The following PBRM1 variants were observed in gnomAD, a reference collection of about 807,000 sequenced individuals.
PBRM1 encodes the protein polybromo 1.
Under a neutral mutation model 194.5 loss-of-function variants are expected in PBRM1, and 27 were observed. The ratio of observed to expected loss-of-function variants is 0.14; its 90% confidence interval spans 0.10 to 0.19. The LOEUF (loss-of-function observed/expected upper bound fraction) is 0.19. Among genes scored for constraint, PBRM1 ranks in the 10% least tolerant of loss-of-function variants. The pLI is 1.00. For synonymous variants in PBRM1, 655 were observed against 693.2 expected, an observed-to-expected ratio of 0.94 and a Z score of 0.87; for missense variants, 1,466 against 2,077.2, an observed-to-expected ratio of 0.71 and a Z score of 5.72.
chr3:52,589,606 G>A (rs969262078), intron 17 of PBRM1, among the ~76,000 whole-genome samples: 1 of 152,140 alleles, frequency 6.6e-6, no homozygotes, highest in Non-Finnish European at 1.5e-5. Flanking sequence ...TAATTCTAGA[G>A]ATAATCTCTG....
chr3:52,632,613 G>A (rs2095656347), intron 11 of PBRM1, among the ~76,000 whole-genome samples: 2 of 151,722 alleles, frequency 1.3e-5, no homozygotes, highest in Admixed American at 1.3e-4. Flanking sequence ...ATAGAAAATG[G>A]GCACTGAAGA....
chr3:52,634,447 A>AG (rs1176301039), intron 11 of PBRM1, among the ~76,000 whole-genome samples, 155 bp downstream of exon 12: 1 of 151,964 alleles, frequency 6.6e-6, no homozygotes, highest in African/African-American at 2.4e-5. Flanking sequence ...AAAAAAAAAA[A>AG]AAAAAAAAAG....
chr3:52,563,399 C>T, exon 24 of PBRM1: 1 of 1,613,952 alleles, frequency 6.2e-7, no homozygotes, highest in South Asian at 1.1e-5. Flanking sequence ...TCAATATCAT[C>T]ATCTCCACCT....
chr3:52,573,912 G>C (rs1255738347), intron 22 of PBRM1, among the ~76,000 whole-genome samples: 2 of 152,198 alleles, frequency 1.3e-5, no homozygotes, highest in African/African-American at 4.8e-5. Context: ...AGATTGTGGT[G>C]ATAGAGGAAG....
chr3:52,663,383 A>G (rs1160778016), intron 3 of PBRM1, among the ~76,000 whole-genome samples: 2 of 152,120 alleles, frequency 1.3e-5, no homozygotes, highest in Non-Finnish European at 2.9e-5. Flanking sequence ...GCCCATCTCA[A>G]CCTCTACCTA....
intron 26 of PBRM1, among the ~76,000 whole-genome samples, chr3:52,557,846 A>C (rs1439464522): frequency 6.6e-6 from 1 of 152,242 alleles, no homozygotes; most frequent in Non-Finnish European, 1.5e-5. Flanking sequence ...AACAAGGCAA[A>C]CTGAATACTG....
chr3:52,614,773 G>A (rs992491672), intron 15 of PBRM1, among the ~76,000 whole-genome samples: 1 of 152,056 alleles, frequency 6.6e-6, no homozygotes, highest in African/African-American at 2.4e-5. Flanking sequence ...GATTCACCAT[G>A]TTGGCCGGGC....
chr3:52,661,183 C>T (rs142350441), intron 4 of PBRM1, among the ~76,000 whole-genome samples: 17 of 152,158 alleles, frequency 1.1e-4, no homozygotes, highest in African/African-American at 3.9e-4. Context: ...GTGCCACCTG[C>T]CTAGCTAATT....
intron 11 of PBRM1, among the ~76,000 whole-genome samples, chr3:52,631,196 C>T (rs1055137152): frequency 1.3e-5 from 2 of 152,006 alleles, no homozygotes; most frequent in African/African-American, 2.4e-5. Context: ...CAACGTCAGG[C>T]GTGGTGACTC....
intron 2 of PBRM1, 58 bp from the exon 4 acceptor site, chr3:52,668,703 T>C (rs1447616954): frequency 4.9e-6 from 5 of 1,017,880 alleles, no homozygotes; most frequent in African/African-American, 1.7e-5. Flanking sequence ...AAAAGTTTTA[T>C]TTCAAAACTA....
chr3:52,658,405 A>G (rs547358449), intron 4 of PBRM1, 90 bp from the exon 6 acceptor site: 1 of 665,786 alleles, frequency 1.5e-6, no homozygotes, highest in African/African-American at 1.8e-5. Flanking sequence ...CTAATTCAAA[A>G]CAGCAACTTT....
downstream of PBRM1, chr3:52,547,442 G>A (rs771323226): frequency 9.9e-5 from 23 of 233,420 alleles, no homozygotes; most frequent in Non-Finnish European, 1.8e-4. Flanking sequence ...TGAGTTAATA[G>A]AGCAAATGTG....
intron 22 of PBRM1, among the ~76,000 whole-genome samples, chr3:52,568,514 T>G (rs1477408908): frequency 6.6e-6 from 1 of 152,218 alleles, no homozygotes; most frequent in Non-Finnish European, 1.5e-5. Flanking sequence ...TTGTATGAGT[T>G]CTGGCTTTTA....
chr3:52,616,486 G>C (rs1415886352), intron 14 of PBRM1, among the ~76,000 whole-genome samples: 1 of 152,188 alleles, frequency 6.6e-6, no homozygotes, highest in Non-Finnish European at 1.5e-5. Flanking sequence ...GACGTCAGGA[G>C]ATCAAGACCA....
chr3:52,681,190 A>G (rs1561168156), upstream of PBRM1: 2 of 151,814 alleles, frequency 1.3e-5, no homozygotes, highest in African/African-American at 4.8e-5. Context: ...ACAGGAGAAC[A>G]CTGGTTGCCA....
At chr3:52,626,296 A>G (rs1272969052) in intron 13 of PBRM1, among the ~76,000 whole-genome samples, 2 of 152,236 alleles carry the variant, frequency 1.3e-5, no homozygotes, top group Non-Finnish European at 2.9e-5. Context: ...ATACTGATCA[A>G]TTTAGTTACC....
At position 52,629,072 on chromosome 3, in the gene PBRM1, A is replaced by G. The variant is rs1560518073; in HGVS notation, c.1302-37T>C. ...AAAGAAATTGCTAGAATTTTCTGTC[A>G]TGAAAATTATGAAACATTCTTCCTG... On this transcript the variant is annotated intron_variant, in intron 11 of 29. Transcript: ENST00000296302. 2.0e-6 allele frequency: 3 copies of G among 1,490,536 alleles called. No individual in the cohort carries two copies. In the East Asian group the frequency reaches 6.9e-5, roughly 34 times the overall value. 92.3% of individuals were successfully genotyped at this position (1,490,536 alleles called of 1,614,324 possible).
chr3:52,643,162 C>T, intron 9 of PBRM1, 86 bp downstream of exon 10: 1 of 932,582 alleles, frequency 1.1e-6, no homozygotes, highest in East Asian at 2.4e-5. Flanking sequence ...CAAAAATATT[C>T]CTTCAAGATA....
At position 52,615,470 on chromosome 3, in the gene PBRM1, A is replaced by G; in HGVS notation, c.1819-14T>C. The G allele has an allele frequency of 7.2e-7, 1 of 1,390,366 alleles. No homozygotes were observed. Among genetic ancestry groups the G allele is most frequent in the Non-Finnish European group, 1.0e-6 (1 of 978,228 alleles). 86.1% of individuals were successfully genotyped at this position (1,390,366 alleles called of 1,614,324 possible). ...ATCATTATAAACCTACATTCCAAAA[A>G]TATACTTCAATTATTTTCTAAAAAC... On this transcript the variant is annotated splice_polypyrimidine_tract_variant and intron_variant, in intron 14 of 29. Transcript: ENST00000296302.
Sources: gnomAD v4.1 joint callset for allele counts (sites outside exome capture counted in the v4.1 genomes callset) on GRCh38, gnomAD v4.1.1 for gene constraint, MANE v1.5 for transcripts, NCBI Gene and HGNC (gene_info 2026-07-23, HGNC 2026-07-21) for gene names.